GRIN2A: variants seen among roughly 807,000 people sequenced by gnomAD.
The protein encoded by GRIN2A is glutamate ionotropic receptor NMDA type subunit 2A.
A neutral mutation model predicts 113.4 loss-of-function variants in GRIN2A; 22 were observed. The observed-to-expected ratio is 0.19, with a 90% confidence interval of 0.14 to 0.28. GRIN2A has a LOEUF of 0.28. GRIN2A is among the 10% of genes least tolerant of loss of function. GRIN2A has a pLI of 1.00. For missense variants in GRIN2A, 1,502 were observed against 1,887.0 expected (o/e 0.80, Z 3.78); for synonymous variants, 827 against 738.4 (o/e 1.12, Z -1.94).
intron 4 of GRIN2A, among the ~76,000 whole-genome samples, chr16:9,851,435 G>A (rs1019089028): frequency 2.0e-5 from 3 of 152,146 alleles, no homozygotes; most frequent in East Asian, 3.9e-4. Context: ...GAAGACCTAC[G>A]ATGTCCCAGT....
chr16:10,087,728 G>A (rs979351250), intron 2 of GRIN2A, among the ~76,000 whole-genome samples: 8 of 152,006 alleles, frequency 5.3e-5, no homozygotes, highest in African/African-American at 1.9e-4. Context: ...CTTACTCTGT[G>A]ACCCAGGCTG....
intron 2 of GRIN2A, among the ~76,000 whole-genome samples, chr16:10,062,281 T>C (rs1370201142): frequency 2.0e-5 from 3 of 152,150 alleles, no homozygotes; most frequent in African/African-American, 7.2e-5. Flanking sequence ...AAAGCAGCCC[T>C]AGACAGTAGA....
chr16:9,774,901 A>G (rs10492827), intron 11 of GRIN2A, among the ~76,000 whole-genome samples: 21,809 of 152,140 alleles, frequency 0.14, 2,057 homozygotes, highest in Middle Eastern at 0.29. Flanking sequence ...CACTCTATCT[A>G]TGATTCCAAG....
intron 4 of GRIN2A, among the ~76,000 whole-genome samples, chr16:9,876,089 G>C (rs1032062323): frequency 1.3e-5 from 2 of 152,066 alleles, no homozygotes; most frequent in Non-Finnish European, 2.9e-5. Context: ...CTGTGCCAAA[G>C]GGTGGAAGGC....
chr16:10,039,800 G>A (rs1444912018), intron 2 of GRIN2A, among the ~76,000 whole-genome samples: 3 of 55,026 alleles, frequency 5.5e-5, no homozygotes, highest in African/African-American at 2.8e-4. Flanking sequence ...GGGGGAGGGG[G>A]AGGGGGGGGA....
intron 2 of GRIN2A, among the ~76,000 whole-genome samples, chr16:10,030,880 GA>G (rs2046915717): frequency 6.6e-6 from 1 of 152,144 alleles, no homozygotes; most frequent in Non-Finnish European, 1.5e-5. Flanking sequence ...CATTCTAGTG[GA>G]AAAAGCAATA....
At chr16:9,903,784 G>C (rs75528578) in intron 3 of GRIN2A, among the ~76,000 whole-genome samples, 3,264 of 152,230 alleles carry the variant, frequency 0.021, 55 homozygotes, top group Non-Finnish European at 0.032. Context: ...CAACCACTCA[G>C]GACTAATTTT....
chr16:9,879,568 G>A (rs1005478830), intron 4 of GRIN2A, among the ~76,000 whole-genome samples: 2 of 152,064 alleles, frequency 1.3e-5, no homozygotes, highest in African/African-American at 2.4e-5. Context: ...CCCAAGCCAC[G>A]TAAATAGGCC....
intron 11 of GRIN2A, among the ~76,000 whole-genome samples, chr16:9,792,424 A>C (rs147206126): frequency 6.6e-6 from 1 of 152,146 alleles, no homozygotes; most frequent in East Asian, 1.9e-4. Context: ...GGTTTTTGCT[A>C]TGTTGCCTGG....
chr16:10,127,903 T>G (rs2048978334), intron 2 of GRIN2A, among the ~76,000 whole-genome samples: 1 of 60,228 alleles, frequency 1.7e-5, no homozygotes. Flanking sequence ...AGTGTTTTTT[T>G]GCTTGTGGGG....
At chr16:9,819,303 T>C (rs1370173734) in intron 10 of GRIN2A, among the ~76,000 whole-genome samples, 1 of 152,094 alleles carries the variant, frequency 6.6e-6, no homozygotes, top group African/African-American at 2.4e-5. Context: ...GAGAATGGCT[T>C]GAGCCTTCTG....
intron 2 of GRIN2A, among the ~76,000 whole-genome samples, chr16:10,133,709 A>T (rs1018411930): frequency 6.6e-6 from 1 of 152,216 alleles, no homozygotes; most frequent in Non-Finnish European, 1.5e-5. Context: ...GAATCTGAGC[A>T]TGATCCCTCC....
chr16:9,780,557 G>A (rs115409115), intron 11 of GRIN2A, among the ~76,000 whole-genome samples: 2,100 of 152,334 alleles, frequency 0.014, 58 homozygotes, highest in African/African-American at 0.048. Flanking sequence ...TTACTTGTGG[G>A]GGGCATATTG....
chr16:10,072,125 C>T (rs150615755), intron 2 of GRIN2A, among the ~76,000 whole-genome samples: 1 of 152,294 alleles, frequency 6.6e-6, no homozygotes, highest in East Asian at 1.9e-4. Context: ...CTTCAATGAG[C>T]CCAGGACAAT....
Position 9,759,147 on chromosome 16 carries a change from T to C in GRIN2A, c.*4002A>G, listed in dbSNP as rs1323387200. The C allele has an allele frequency of 1.4e-5, 3 of 217,096 alleles. No homozygotes were observed. The highest frequency in any genetic ancestry group is 6.7e-5 in the African/African-American group (3 of 44,450). 13.4% of individuals were successfully genotyped at this position (217,096 alleles called of 1,614,324 possible). ...ATATATCCAGCTCCTCTGTAAGGTATTTAGAGTTCTCAAATTAGTGTTTAT... is the reference window on the plus strand; with the variant it reads ...ATATATCCAGCTCCTCTGTAAGGTACTTAGAGTTCTCAAATTAGTGTTTAT... On this transcript the variant is annotated 3_prime_UTR_variant, in exon 13 of 13. Transcript: ENST00000330684.
intron 2 of GRIN2A, among the ~76,000 whole-genome samples, chr16:10,066,651 T>C (rs945494798): frequency 1.3e-5 from 2 of 152,168 alleles, no homozygotes; most frequent in Non-Finnish European, 2.9e-5. Flanking sequence ...GACCTTAGGA[T>C]GAGTGACTGA....
In GRIN2A at chr16:9,777,925, C is replaced by T. The variant is rs182727439; in HGVS notation, c.2357-8836G>A. 4.6e-5 allele frequency among the ~76,000 whole-genome samples: 7 copies of T among 152,162 alleles called. No homozygotes were observed. The East Asian group carries it at 5.8e-4, about 13-fold the overall frequency. On this transcript the variant is annotated intron_variant, in intron 11 of 12. Transcript: ENST00000330684. ...CTAAAAATACAAAAAATTAGCTGGG[C>T]GTGGTCGTGGGCGCCTGTAATCCCA...
intron 11 of GRIN2A, among the ~76,000 whole-genome samples, chr16:9,784,194 C>A (rs1006929602): frequency 1.3e-5 from 2 of 152,088 alleles, no homozygotes; most frequent in Non-Finnish European, 2.9e-5. Flanking sequence ...CTTTGGGAAG[C>A]CGAGGTGGGT....
At chr16:10,094,127 C>T (rs2048238520) in intron 2 of GRIN2A, among the ~76,000 whole-genome samples, 1 of 152,180 alleles carries the variant, frequency 6.6e-6, no homozygotes, top group Admixed American at 6.5e-5. Flanking sequence ...CAGCACTAAG[C>T]CACGTGTACA....
Sources: gnomAD v4.1 joint callset for allele counts (sites outside exome capture counted in the v4.1 genomes callset) on GRCh38, gnomAD v4.1.1 for gene constraint, MANE v1.5 for transcripts, NCBI Gene and HGNC (gene_info 2026-07-23, HGNC 2026-07-21) for gene names.